TBC1D2: variants seen among roughly 807,000 people sequenced by gnomAD.
The protein encoded by TBC1D2 is TBC1 domain family member 2, also known as TBC1 domain family member 2A.
Under a neutral mutation model 91.1 loss-of-function variants are expected in TBC1D2, and 58 were observed. The ratio of observed to expected loss-of-function variants is 0.64; its 90% CI spans 0.52 to 0.79. The LOEUF (loss-of-function observed/expected upper bound fraction) is 0.79. TBC1D2 is among the 30% of genes least tolerant of loss of function. The probability of loss-of-function intolerance (pLI) is 0.00; values close to 1 mark genes in which losing one functional copy is unlikely to be tolerated. For synonymous variants in TBC1D2, 482 were observed against 511.5 expected (o/e 0.94, Z 0.78); for missense variants, 1,080 against 1,208.3 (o/e 0.89, Z 1.57).
chr9:98,223,419 T>A (rs1829147049), intron 5 of TBC1D2, among the ~76,000 whole-genome samples: 1 of 152,168 alleles, frequency 6.6e-6, no homozygotes, highest in African/African-American at 2.4e-5. Context: ...CAAAAGGGAA[T>A]GTTTGGAACG....
intron 9 of TBC1D2, among the ~76,000 whole-genome samples, chr9:98,207,871 G>C (rs913892791): frequency 3.9e-5 from 6 of 152,224 alleles, no homozygotes; most frequent in Non-Finnish European, 8.8e-5. Context: ...GGGTTGTGCA[G>C]GGGTGCAGCC....
In TBC1D2 at chr9:98,227,574, T is replaced by C. The variant is rs576107910; in HGVS notation, c.978+1378A>G. On this transcript the variant is annotated intron_variant, in intron 5 of 12. Transcript: ENST00000465784. ...GAGTTCGAAACCAGCCTTGCCAACA[T>C]GGTGAAACCTAGTCTCTAATAAAAA... 7.4e-4 allele frequency among the ~76,000 whole-genome samples: 112 copies of C among 151,710 alleles called. 1 individual carries two copies. The highest frequency in any genetic ancestry group is 1.4e-3 in the Non-Finnish European group (96 of 67,966).
At position 98,216,378 on chromosome 9, in the gene TBC1D2, C is replaced by G. The variant is rs560210650; in HGVS notation, c.1375-3160G>C. On this transcript the variant is annotated intron_variant, in intron 6 of 12. Coordinates refer to ENST00000465784, the MANE Select transcript of TBC1D2 (RefSeq NM_001267571.2). Reference sequence around the variant, plus strand: ...TGCCCGGGAAAATACAACAAGCCCCCCCGCAAGGGAGGAAAGGACCTACCA... The same window carrying G: ...TGCCCGGGAAAATACAACAAGCCCCGCCGCAAGGGAGGAAAGGACCTACCA... Among the ~76,000 whole-genome samples the G allele has an allele frequency of 2.8e-3, 425 of 152,286 alleles. 2 individuals carry two copies. The highest frequency in any genetic ancestry group is 9.6e-3 in the African/African-American group (398 of 41,556).
chr9:98,203,556 C>T, intron 9 of TBC1D2, 148 bp from the exon 10 acceptor site: 1 of 1,220,410 alleles, frequency 8.2e-7, no homozygotes, highest in Admixed American at 2.6e-5. Flanking sequence ...ATTTGTGCTC[C>T]TGGCACCTGG....
intron 3 of TBC1D2, among the ~76,000 whole-genome samples, chr9:98,240,166 G>GGTGT (rs60630078): frequency 0.023 from 3,149 of 137,942 alleles, 69 homozygotes; most frequent in African/African-American, 0.054. Context: ...GTGTTTGTGT[G>GGTGT]GTGTGTGTGT....
chr9:98,220,723 G>A (rs964069503), intron 6 of TBC1D2, 110 bp downstream of exon 6: 34 of 1,347,082 alleles, frequency 2.5e-5, no homozygotes, highest in Non-Finnish European at 3.4e-5. Flanking sequence ...CTAGGATGAA[G>A]GGGTATCCCC....
At position 98,229,032 on chromosome 9, in the gene TBC1D2, G is replaced by A. The variant is rs371031377; in HGVS notation, c.898C>T (p.Arg300Trp). 172 of 1,614,202 alleles carry A rather than the reference G, an allele frequency of 1.1e-4. No individual in the cohort carries two copies. Among genetic ancestry groups the A allele is most frequent in the South Asian group, 5.2e-4 (47 of 91,084 alleles). ...ACTTTCTCCTGGGCAGTTCGGTTCC[G>A]TGTGATTCCTTCAGAAAAGAATGGG... Reference protein sequence around the residue: ...TFPFFSEGITRNRTAQEKVAA... With the variant: ...TFPFFSEGITWNRTAQEKVAA... Residue 300 changes from arginine (R) to tryptophan (W), a missense_variant, in exon 5 of 13, where the codon CGG becomes TGG. Arg to Trp is a moderately radical substitution (Grantham distance 101). Transcript: ENST00000465784.
intron 3 of TBC1D2, among the ~76,000 whole-genome samples, chr9:98,243,180 T>C (rs1369735129): frequency 6.6e-6 from 1 of 152,050 alleles, no homozygotes; most frequent in Non-Finnish European, 1.5e-5. Context: ...TGAGATATGA[T>C]TGACACAATA....
At chr9:98,209,193 G>A in intron 8 of TBC1D2, 49 bp from the exon 9 acceptor site, 1 of 1,561,188 alleles carries the variant, frequency 6.4e-7, no homozygotes, top group African/African-American at 1.3e-5. Context: ...CCCTTCCCTA[G>A]ATAAGGGGTG....
At chr9:98,236,163 AC>A (rs1161738386) in intron 3 of TBC1D2, among the ~76,000 whole-genome samples, 4 of 152,208 alleles carry the variant, frequency 2.6e-5, no homozygotes, top group Admixed American at 6.5e-5. Flanking sequence ...TTAAAAAAAA[AC>A]AATTGACCAT....
At chr9:98,247,188 G>A (rs973100084) in intron 2 of TBC1D2, among the ~76,000 whole-genome samples, 1 of 151,996 alleles carries the variant, frequency 6.6e-6, no homozygotes, top group Non-Finnish European at 1.5e-5. Flanking sequence ...CAAACTGGGC[G>A]TGGTGACGTG....
chr9:98,199,485 C>T lies in TBC1D2; in HGVS notation c.2683G>A (p.Glu895Lys). 2 of 1,614,160 alleles carry T rather than the reference C, an allele frequency of 1.2e-6. No individual in the cohort carries two copies. Among genetic ancestry groups the T allele is most frequent in the Non-Finnish European group, 1.7e-6 (2 of 1,180,054 alleles). Reference sequence around the variant, plus strand: ...TACTCTGCCTTAAGCTGCTCCAGCTCCCGCAGCTCAGCCTCCAGCCGCTCC... The same window carrying T: ...TACTCTGCCTTAAGCTGCTCCAGCTTCCGCAGCTCAGCCTCCAGCCGCTCC... Reference protein sequence around the residue: ...HRERLEAELRELEQLKAEYLE... With the variant: ...HRERLEAELRKLEQLKAEYLE... Residue 895 changes from glutamate (E) to lysine (K), a missense_variant, in exon 13 of 13, where the codon GAG becomes AAG. Transcript: ENST00000465784.
intron 3 of TBC1D2, among the ~76,000 whole-genome samples, chr9:98,238,739 T>C (rs930409432): frequency 7.3e-6 from 1 of 136,206 alleles, no homozygotes. Flanking sequence ...GTTTTTTTTG[T>C]TTTTTGTTTT....
chr9:98,207,848 AGGCT>A (rs572156521), intron 9 of TBC1D2, among the ~76,000 whole-genome samples: 18 of 152,336 alleles, frequency 1.2e-4, no homozygotes, highest in African/African-American at 4.3e-4. Flanking sequence ...TGTGGCATGA[AGGCT>A]GCCCCCTGGG....
intron 5 of TBC1D2, among the ~76,000 whole-genome samples, chr9:98,226,350 C>T (rs1243045628): frequency 1.3e-5 from 2 of 152,160 alleles, no homozygotes; most frequent in African/African-American, 4.8e-5. Context: ...GCTTGTAGGG[C>T]AGGAAGAGAT....
intron 2 of TBC1D2, among the ~76,000 whole-genome samples, chr9:98,248,059 C>A (rs866797039): frequency 1.3e-5 from 2 of 152,186 alleles, no homozygotes; most frequent in Non-Finnish European, 2.9e-5. Flanking sequence ...GAGGAAATAG[C>A]CACTCAGAGA....
At chr9:98,219,452 T>G (rs574584655) in intron 6 of TBC1D2, among the ~76,000 whole-genome samples, 2 of 152,338 alleles carry the variant, frequency 1.3e-5, no homozygotes, top group African/African-American at 2.4e-5. Flanking sequence ...TAAGTCTATA[T>G]GTACAGTCTC....
In TBC1D2 at chr9:98,244,034, G is replaced by A; in HGVS notation, c.607C>T (p.Leu203Phe). ...AGGTGCTTGAGGGAAATATTCTGAAGGGCAGGGAAGGGCTGCAAGGCAGCT... is the reference window on the plus strand; with the variant it reads ...AGGTGCTTGAGGGAAATATTCTGAAAGGCAGGGAAGGGCTGCAAGGCAGCT... ...VAAALQPFPA[L>F]QNISLKHLGT... Residue 203 changes from leucine (L) to phenylalanine (F), a missense_variant, in exon 3 of 13, where the codon CTT (leucine) becomes TTT (phenylalanine). Physicochemically the swap from Leu to Phe is conservative, Grantham distance 22 (BLOSUM62 0). Transcript: ENST00000465784. 6.2e-7 allele frequency: 1 copy of A among 1,610,918 alleles called. No homozygotes were observed. Among genetic ancestry groups the A allele is most frequent in the Non-Finnish European group, 8.5e-7 (1 of 1,178,640 alleles).
chr9:98,226,759 GA>G (rs1176704040), intron 5 of TBC1D2, among the ~76,000 whole-genome samples: 1 of 152,036 alleles, frequency 6.6e-6, no homozygotes, highest in Admixed American at 6.6e-5. Flanking sequence ...TTACCTGGTA[GA>G]AAAAAAATCC....
Sources: gnomAD v4.1 joint callset for allele counts (sites outside exome capture counted in the v4.1 genomes callset) on GRCh38, gnomAD v4.1.1 for gene constraint, MANE v1.5 for transcripts, NCBI Gene and HGNC (gene_info 2026-07-23, HGNC 2026-07-21) for gene names.